Variants in ABCC2 observed in about 807,000 individuals in gnomAD.
ABCC2 encodes the protein ATP binding cassette subfamily C member 2.
In ABCC2, 157 loss-of-function variants were observed where a neutral mutation model predicts 173.4. The observed-to-expected ratio is 0.91, with a 90% CI of 0.80 to 1.03. The LOEUF (loss-of-function observed/expected upper bound fraction) is 1.03, where lower values mean the gene tolerates loss of function less well. Ranked by LOEUF, ABCC2 falls within the 50% of genes least tolerant of loss-of-function variation. ABCC2 has a pLI of 0.00. For missense variants in ABCC2, 1,822 were observed against 1,852.3 expected (o/e 0.98, Z 0.30); for synonymous variants, 657 against 693.5 (o/e 0.95, Z 0.83).
At chr10:99,812,910 G>A in intron 15 of ABCC2, 108 bp from the exon 16 acceptor site, 1 of 1,466,080 alleles carries the variant, frequency 6.8e-7, no homozygotes, top group Non-Finnish European at 9.5e-7. Flanking sequence ...CCAATCTTGA[G>A]GGGAAATCTC....
chr10:99,788,175 T>A (rs757730309), intron 2 of ABCC2, among the ~76,000 whole-genome samples: 9 of 152,190 alleles, frequency 5.9e-5, no homozygotes, highest in Non-Finnish European at 1.2e-4. Flanking sequence ...CTTCCAGAAA[T>A]AGCCTGTGCT....
chr10:99,810,637 A>T (rs1257566495), intron 14 of ABCC2, among the ~76,000 whole-genome samples: 2 of 152,240 alleles, frequency 1.3e-5, no homozygotes, highest in African/African-American at 2.4e-5. Context: ...TGGAATTCAT[A>T]CAAGGGGACT....
intron 1 of ABCC2, among the ~76,000 whole-genome samples, chr10:99,783,212 A>C (rs2037645410): frequency 6.6e-6 from 1 of 152,226 alleles, no homozygotes; most frequent in Non-Finnish European, 1.5e-5. Flanking sequence ...TGCTAGTAGA[A>C]GGAAGAGAAG....
In ABCC2 at chr10:99,804,265, A is replaced by G. The variant is rs2038062748; in HGVS notation, c.1456A>G (p.Thr486Ala). 1.9e-6 allele frequency: 3 copies of G among 1,614,024 alleles called. No individual in the cohort carries two copies. In the East Asian group the frequency reaches 6.7e-5, roughly 36 times the overall value. ...TGCGATACTGTCCACCAAGAGTAAG[A>G]CCATTCAGGTAAAGAAAAAGTCACC... is the stretch of plus-strand genomic sequence containing the variant. ...INAILSTKSK[T>A]IQVKNMKNKD... The change falls in exon 10 of 32, where the codon ACC becomes GCC. Residue 486 changes from threonine to alanine, a missense_variant. Coordinates refer to ENST00000647814, the MANE Select transcript of ABCC2 (RefSeq NM_000392.5).
chr10:99,793,742 A>G, intron 4 of ABCC2, 57 bp downstream of exon 4: 1 of 1,610,136 alleles, frequency 6.2e-7, no homozygotes. Context: ...CCTCTAACTC[A>G]TAGTAAATGG....
At position 99,836,288 on chromosome 10, in the gene ABCC2, C is replaced by T; in HGVS notation, c.3612C>T (p.Asn1204=). ...QKCVFSWITS[N]RWLAIRLELV... ...GTGTCTTTTCCTGGATCACCTCCAA[C>T]AGGTGAGGCTTCCCCTGGGTATTTA... is the stretch of plus-strand genomic sequence containing the variant. Residue 1204 remains asparagine, a splice_region_variant and synonymous_variant, in exon 25 of 32, where the codon AAC becomes AAT. Coordinates refer to ENST00000647814, the MANE Select transcript of ABCC2 (RefSeq NM_000392.5). The T allele has an allele frequency of 1.2e-6, 2 of 1,614,062 alleles. No homozygotes were observed. The highest frequency in any genetic ancestry group is 1.7e-6 in the Non-Finnish European group (2 of 1,179,922).
rs2038156766 is a variant in ABCC2 at position 99,808,634 on chromosome 10, T to C, written c.1815+405T>C. ...GAGACCCTCCCTTTGCATAAACCCA[T>C]GTGTTGGTCAAACCAAATGCAAATT... is the stretch of plus-strand genomic sequence containing the variant. On this transcript the variant is annotated intron_variant, in intron 13 of 31. Coordinates refer to ENST00000647814, the MANE Select transcript of ABCC2 (RefSeq NM_000392.5). Among the ~76,000 whole-genome samples the C allele has an allele frequency of 2.0e-5, 3 of 152,038 alleles. No individual in the cohort carries two copies. In the South Asian group the frequency reaches 6.2e-4, roughly 32 times the overall value.
chr10:99,821,365 C>T (rs904045789), intron 19 of ABCC2, among the ~76,000 whole-genome samples: 1 of 152,142 alleles, frequency 6.6e-6, no homozygotes, highest in African/African-American at 2.4e-5. Flanking sequence ...TCATACTAAT[C>T]CTCCTCAGCA....
chr10:99,825,640 G>C (rs537113500), intron 19 of ABCC2, among the ~76,000 whole-genome samples: 5 of 152,136 alleles, frequency 3.3e-5, no homozygotes, highest in Admixed American at 2.0e-4. Flanking sequence ...ACTGAATTTC[G>C]CCTTTATAGT....
chr10:99,787,576 A>G (rs1261338539), intron 2 of ABCC2, among the ~76,000 whole-genome samples: 8 of 152,144 alleles, frequency 5.3e-5, no homozygotes, highest in Non-Finnish European at 1.2e-4. Flanking sequence ...TTCAACTTTT[A>G]TGTGTAAACA....
intron 5 of ABCC2, 122 bp downstream of exon 5, chr10:99,794,121 C>A: frequency 1.1e-6 from 1 of 896,116 alleles, no homozygotes; most frequent in East Asian, 2.6e-5. Context: ...TAGTACAGAC[C>A]ATTTTATGAC....
chr10:99,823,602 C>T (rs938013668), intron 19 of ABCC2, among the ~76,000 whole-genome samples: 3 of 148,162 alleles, frequency 2.0e-5, no homozygotes, highest in Non-Finnish European at 4.4e-5. Context: ...TTTGATTACT[C>T]GTTCCTTCGG....
intron 19 of ABCC2, among the ~76,000 whole-genome samples, chr10:99,825,873 T>C (rs2133098848): frequency 6.6e-6 from 1 of 152,336 alleles, no homozygotes; most frequent in South Asian, 2.1e-4. Flanking sequence ...GTAACTGGCT[T>C]ATTCCCTGAA....
At chr10:99,807,322 A>G in intron 11 of ABCC2, 62 bp from the exon 12 acceptor site, 3 of 1,600,980 alleles carry the variant, frequency 1.9e-6, no homozygotes, top group Non-Finnish European at 2.6e-6. Flanking sequence ...TGGGTGGATC[A>G]GATACACCTG....
At chr10:99,836,885 T>C (rs2038832208) in intron 25 of ABCC2, among the ~76,000 whole-genome samples, 1 of 152,152 alleles carries the variant, frequency 6.6e-6, no homozygotes, top group Non-Finnish European at 1.5e-5. Flanking sequence ...GGAAGATCTT[T>C]TTCAGGAAGA....
chr10:99,809,245 C>G (rs951251348), intron 13 of ABCC2, among the ~76,000 whole-genome samples: 2 of 152,174 alleles, frequency 1.3e-5, no homozygotes, highest in Non-Finnish European at 2.9e-5. Context: ...CCCAGCTACT[C>G]GAGAGGCTGA....
chr10:99,841,320 A>G (rs1400422587), intron 25 of ABCC2, among the ~76,000 whole-genome samples: 1 of 152,176 alleles, frequency 6.6e-6, no homozygotes, highest in Non-Finnish European at 1.5e-5. Flanking sequence ...TGGGAGACTG[A>G]GGCAAGCAGA....
intron 16 of ABCC2, among the ~76,000 whole-genome samples, chr10:99,816,903 G>A (rs1290556614): frequency 6.6e-6 from 1 of 152,096 alleles, no homozygotes. Flanking sequence ...TGGAAAAATT[G>A]TCTTCCACAA....
intron 2 of ABCC2, among the ~76,000 whole-genome samples, chr10:99,790,744 A>T (rs192182775): frequency 8.2e-4 from 125 of 152,306 alleles, no homozygotes; most frequent in Admixed American, 1.6e-3. Context: ...AATGCATTTC[A>T]GTTATTAACA....
Sources: allele counts gnomAD v4.1 joint callset (sites outside exome capture counted in the v4.1 genomes callset), GRCh38; gene constraint gnomAD v4.1.1; transcripts MANE v1.5; gene names NCBI Gene and HGNC (gene_info 2026-07-23, HGNC 2026-07-21).